Variants in COPS3 observed in about 807,000 individuals in gnomAD.
COPS3 encodes the protein COP9 signalosome complex subunit 3.
A neutral mutation model predicts 58.2 loss-of-function variants in COPS3; 10 were observed. The observed-to-expected ratio is 0.17, with a 90% CI of 0.11 to 0.29. COPS3 has a LOEUF of 0.29. Among genes scored for constraint, COPS3 ranks in the 10% least tolerant of loss-of-function variants. COPS3 has a pLI of 1.00. For synonymous variants in COPS3, 187 were observed against 181.7 expected, an observed-to-expected ratio of 1.03 and a Z score of -0.24; for missense variants, 333 against 510.1, an observed-to-expected ratio of 0.65 and a Z score of 3.34.
At chr17:17,256,765 A>AT (rs1045376479) in intron 8 of COPS3, among the ~76,000 whole-genome samples, 1 of 151,880 alleles carries the variant, frequency 6.6e-6, no homozygotes, top group African/African-American at 2.4e-5. Flanking sequence ...TTATTGTTTT[A>AT]TTTTTTGTAG....
In COPS3 at chr17:17,260,424, G is replaced by A. The variant is rs1009920789; in HGVS notation, c.813C>T (p.Asn271=). The change falls in exon 8 of 12, where the codon AAC becomes AAT. Residue 271 remains asparagine (N), a synonymous_variant. Transcript: ENST00000268717. ...HELAQVYSTN[N]PSELRNLVNK... ...TCACCAGGTTTCGGAGTTCTGAGGGGTTGTTGGTTGAATACACTTGTGCTA... is the reference window on the plus strand; with the variant it reads ...TCACCAGGTTTCGGAGTTCTGAGGGATTGTTGGTTGAATACACTTGTGCTA... The A allele has an allele frequency of 9.3e-6, 15 of 1,614,190 alleles. No homozygotes were observed. Among genetic ancestry groups the A allele is most frequent in the Non-Finnish European group, 1.3e-5 (15 of 1,180,030 alleles).
At chr17:17,270,692 T>C in intron 4 of COPS3, 66 bp downstream of exon 4, 1 of 1,360,642 alleles carries the variant, frequency 7.3e-7, no homozygotes, top group South Asian at 1.3e-5. Flanking sequence ...CTTGATAAAG[T>C]AATTCATTGT....
At chr17:17,267,829 C>T (rs548058333) in intron 5 of COPS3, 56 bp downstream of exon 5, 5 of 1,563,196 alleles carry the variant, frequency 3.2e-6, no homozygotes, top group Non-Finnish European at 4.4e-6. Flanking sequence ...GTTGAGCAAG[C>T]CCATAAACAA....
intron 9 of COPS3, among the ~76,000 whole-genome samples, chr17:17,250,582 T>C (rs1476006695): frequency 6.6e-6 from 1 of 152,222 alleles, no homozygotes; most frequent in Non-Finnish European, 1.5e-5. Flanking sequence ...CCAAGGTAGA[T>C]TCAAGGTCTA....
At chr17:17,250,299 G>A (rs555652166) in intron 9 of COPS3, among the ~76,000 whole-genome samples, 3 of 142,068 alleles carry the variant, frequency 2.1e-5, no homozygotes, top group South Asian at 2.2e-4. Context: ...CTGTTGCCCA[G>A]GCTGGAGTGC....
intron 4 of COPS3, among the ~76,000 whole-genome samples, chr17:17,268,851 AATATATAT>A (rs55839656): frequency 1.3e-5 from 2 of 149,068 alleles, no homozygotes; most frequent in East Asian, 2.0e-4. Flanking sequence ...CAACAACAAA[AATATATAT>A]ATATATATGT....
intron 1 of COPS3, 118 bp downstream of exon 1, chr17:17,281,014 G>A (rs1440794367): frequency 2.5e-6 from 3 of 1,207,600 alleles, no homozygotes; most frequent in Middle Eastern, 2.0e-4. Flanking sequence ...CCCAAGCCCG[G>A]CCCCGGAGAA....
chr17:17,256,180 A>C lies in COPS3; in HGVS notation c.937-1235T>G, dbSNP rs995290193. Among the ~76,000 whole-genome samples, 11 of 151,730 alleles carry C rather than the reference A, an allele frequency of 7.2e-5. No homozygotes were observed. In the South Asian group the frequency reaches 1.2e-3, roughly 17 times the overall value. On this transcript the variant is annotated intron_variant, in intron 8 of 11. Coordinates refer to ENST00000268717, the MANE Select transcript of COPS3 (RefSeq NM_003653.4). ...GGCAACTGAGCAAGACTCTGTCACA[A>C]AAAAAAATAAAAAAATAAAAACTGA...
intron 6 of COPS3, among the ~76,000 whole-genome samples, chr17:17,263,781 T>C (rs566835958): frequency 6.6e-6 from 1 of 152,314 alleles, no homozygotes; most frequent in Non-Finnish European, 1.5e-5. Context: ...CCCAAAGTGC[T>C]GGGATTACAG....
rs2047735323 is a variant in COPS3 at position 17,246,813 on chromosome 17, G to GAC, written c.*283_*284dup. On this transcript the variant is annotated 3_prime_UTR_variant, in exon 12 of 12. Coordinates refer to ENST00000268717, the MANE Select transcript of COPS3 (RefSeq NM_003653.4). ...CAGAGGAGAAAAAAGTGATACAGAAGACACATTAATGTTCAAGCAACTTAA... is the reference window on the plus strand; with the variant it reads ...CAGAGGAGAAAAAAGTGATACAGAAGACACACATTAATGTTCAAGCAACTTAA... The GAC allele has an allele frequency of 5.5e-5, 21 of 384,756 alleles. No individual in the cohort carries two copies. The East Asian group carries it at 8.7e-4, about 16-fold the overall frequency. The allele number at this position is 384,756 out of a possible 1,614,324, so 23.8% of individuals were successfully genotyped here. A position where few individuals can be genotyped will look rare whatever the true frequency, so the allele number is the denominator to read the frequency against.
At position 17,269,231 on chromosome 17, in the gene COPS3, C is replaced by T. The variant is rs2048294269; in HGVS notation, c.349-1254G>A. On this transcript the variant is annotated intron_variant, in intron 4 of 11. Transcript: ENST00000268717. The stretch of plus-strand genomic sequence containing the variant: ...CCTGTGGTCAGGAGTTTGACACCAG[C>T]CTGGCAAACATGGTGAAACCCTGTC... 2.6e-5 allele frequency among the ~76,000 whole-genome samples: 4 copies of T among 152,110 alleles called. No homozygotes were observed. In the South Asian group the frequency reaches 8.3e-4, roughly 32 times the overall value.
At chr17:17,260,942 A>C (rs1200036898) in intron 7 of COPS3, among the ~76,000 whole-genome samples, 2 of 152,236 alleles carry the variant, frequency 1.3e-5, no homozygotes, top group African/African-American at 4.8e-5. Context: ...GTTACCCTAC[A>C]AATTATAATT....
intron 9 of COPS3, among the ~76,000 whole-genome samples, chr17:17,253,839 A>G (rs2047902176): frequency 6.6e-6 from 1 of 152,110 alleles, no homozygotes. Flanking sequence ...AAAAATTCTG[A>G]TAATGAAAAT....
At chr17:17,257,946 T>C (rs531926680) in intron 8 of COPS3, among the ~76,000 whole-genome samples, 1 of 152,344 alleles carries the variant, frequency 6.6e-6, no homozygotes, top group African/African-American at 2.4e-5. Flanking sequence ...TGATACAGTC[T>C]ACCTGTTGAG....
chr17:17,270,110 T>C (rs1004318369), intron 4 of COPS3, among the ~76,000 whole-genome samples: 1 of 151,672 alleles, frequency 6.6e-6, no homozygotes, highest in Non-Finnish European at 1.5e-5. Context: ...TGACCAGAGA[T>C]GGCGCCACTG....
chr17:17,251,464 T>G (rs2047841926), intron 9 of COPS3, among the ~76,000 whole-genome samples: 1 of 151,638 alleles, frequency 6.6e-6, no homozygotes, highest in African/African-American at 2.4e-5. Flanking sequence ...CTAGCTAATT[T>G]TTTTTGTATT....
intron 5 of COPS3, 86 bp from the exon 6 acceptor site, chr17:17,265,067 T>A: frequency 1.7e-6 from 2 of 1,204,752 alleles, no homozygotes; most frequent in Non-Finnish European, 2.4e-6. Flanking sequence ...ATTCCAGAAA[T>A]TTCCAAATAA....
At chr17:17,275,812 A>C (rs2048449076) in intron 2 of COPS3, among the ~76,000 whole-genome samples, 1 of 151,992 alleles carries the variant, frequency 6.6e-6, no homozygotes, top group African/African-American at 2.4e-5. Flanking sequence ...GCGGGTGGCG[A>C]GTGCCTGTAG....
intron 1 of COPS3, chr17:17,280,658 G>C: frequency 7.7e-7 from 1 of 1,305,206 alleles, no homozygotes; most frequent in Admixed American, 2.3e-5. Context: ...GGAGGAGCTG[G>C]CAGAGGCGAG....
Sources: allele counts gnomAD v4.1 joint callset (sites outside exome capture counted in the v4.1 genomes callset), GRCh38; gene constraint gnomAD v4.1.1; transcripts MANE v1.5; gene names NCBI Gene and HGNC (gene_info 2026-07-23, HGNC 2026-07-21).